The following LRP1B variants were observed in gnomAD, a reference collection of about 807,000 sequenced individuals.
LRP1B encodes low-density lipoprotein receptor-related protein 1B.
A neutral mutation model predicts 556.6 loss-of-function variants in LRP1B; 217 were observed. The ratio of observed to expected loss-of-function variants is 0.39; its 90% CI spans 0.35 to 0.44. The LOEUF is 0.44. Among genes scored for constraint, LRP1B ranks in the 20% least tolerant of loss-of-function variants. LRP1B has a pLI of 1.00. For missense variants in LRP1B, 5,053 were observed against 5,620.8 expected, an observed-to-expected ratio of 0.90 and a Z score of 3.23; for synonymous variants, 2,047 against 1,865.8, an observed-to-expected ratio of 1.10 and a Z score of -2.50.
At chr2:141,672,472 G>A (rs936109026) in intron 2 of LRP1B, among the ~76,000 whole-genome samples, 3 of 152,118 alleles carry the variant, frequency 2.0e-5, no homozygotes, top group African/African-American at 7.2e-5. Context: ...TTCCTGAAAC[G>A]GAGGTTACAA....
chr2:142,009,294 C>CTAGA (rs1702884510), intron 1 of LRP1B, among the ~76,000 whole-genome samples: 2 of 152,032 alleles, frequency 1.3e-5, no homozygotes, highest in South Asian at 2.1e-4. Context: ...AGAGTTTGAG[C>CTAGA]CAGACATTAA....
chr2:141,844,754 G>GGTACCAAAAGGAAA (rs1697587446), intron 1 of LRP1B, among the ~76,000 whole-genome samples: 1 of 151,668 alleles, frequency 6.6e-6, no homozygotes, highest in African/African-American at 2.4e-5. Flanking sequence ...CTACTATAAA[G>GGTACCAAAAGGAAA]TTATATAGTT....
intron 3 of LRP1B, among the ~76,000 whole-genome samples, chr2:141,472,828 T>G (rs1682529646): frequency 6.6e-6 from 1 of 152,232 alleles, no homozygotes; most frequent in Non-Finnish European, 1.5e-5. Context: ...ATTTACAATT[T>G]TTTTTTGTTT....
chr2:140,463,913 T>C (rs1375351701), intron 60 of LRP1B, among the ~76,000 whole-genome samples: 3 of 152,128 alleles, frequency 2.0e-5, no homozygotes, highest in African/African-American at 7.2e-5. Context: ...ATTAATACTG[T>C]GGCCAGGAGT....
chr2:141,976,018 G>T (rs1313793080), intron 1 of LRP1B, among the ~76,000 whole-genome samples: 2 of 149,832 alleles, frequency 1.3e-5, no homozygotes, highest in Non-Finnish European at 2.9e-5. Context: ...TAATATAATG[G>T]ACTATAAAAG....
rs56131845 is a variant in LRP1B at position 141,127,258 on chromosome 2, T to C, written c.1013+61163A>G. Among the ~76,000 whole-genome samples, 307 of 152,284 alleles carry C rather than the reference T, an allele frequency of 2.0e-3. 1 individual carries two copies. Among genetic ancestry groups the C allele is most frequent in the African/African-American group, 6.9e-3 (287 of 41,578 alleles). On this transcript the variant is annotated intron_variant, in intron 7 of 90. Coordinates refer to ENST00000389484, the MANE Select transcript of LRP1B (RefSeq NM_018557.3). Reference sequence around the variant, plus strand: ...GAAACAATAGATGCTGGAGAGGATGTGGACAGATAGGAACGCTTTTACATT... The same window carrying C: ...GAAACAATAGATGCTGGAGAGGATGCGGACAGATAGGAACGCTTTTACATT...
intron 3 of LRP1B, among the ~76,000 whole-genome samples, chr2:141,390,308 T>A (rs775530068): frequency 3.3e-5 from 5 of 152,022 alleles, no homozygotes; most frequent in Non-Finnish European, 7.4e-5. Context: ...AAAGCGTTGA[T>A]GAGAATGTAG....
intron 1 of LRP1B, among the ~76,000 whole-genome samples, chr2:141,961,543 C>T (rs80141118): frequency 0.035 from 5,324 of 151,708 alleles, 301 homozygotes; most frequent in African/African-American, 0.12. Context: ...GAGTGTATTT[C>T]AAATTAAAAC....
At position 141,227,640 on chromosome 2, in the gene LRP1B, A is replaced by G. The variant is rs1405843260; in HGVS notation, c.850+1543T>C. ...CTTTATCAATTGTTTCATTAAGAGGATCTTCAAAATGTTCGACAATATTTG... is the reference window on the plus strand; with the variant it reads ...CTTTATCAATTGTTTCATTAAGAGGGTCTTCAAAATGTTCGACAATATTTG... On this transcript the variant is annotated intron_variant, in intron 6 of 90. Coordinates refer to ENST00000389484, the MANE Select transcript of LRP1B (RefSeq NM_018557.3). Among the ~76,000 whole-genome samples the G allele has an allele frequency of 2.0e-5, 3 of 152,094 alleles. No homozygotes were observed. The East Asian group carries it at 5.8e-4, about 29-fold the overall frequency.
intron 2 of LRP1B, among the ~76,000 whole-genome samples, chr2:141,756,544 TACACAC>T (rs35271250): frequency 0.036 from 5,122 of 143,264 alleles, 164 homozygotes; most frequent in African/African-American, 0.1. Flanking sequence ...TCTCTCAAAT[TACACAC>T]ACACACACAC....
intron 3 of LRP1B, among the ~76,000 whole-genome samples, chr2:141,455,063 TA>T (rs1377283732): frequency 2.6e-5 from 4 of 152,170 alleles, no homozygotes; most frequent in African/African-American, 9.7e-5. Flanking sequence ...AATCTGATAT[TA>T]TGGTATTGTA....
At chr2:141,903,868 T>C (rs966388293) in intron 1 of LRP1B, among the ~76,000 whole-genome samples, 2 of 151,946 alleles carry the variant, frequency 1.3e-5, no homozygotes, top group Non-Finnish European at 2.9e-5. Context: ...GACCAGTTAC[T>C]TGTTTAGGGT....
chr2:140,715,255 TA>T (rs572316841), intron 37 of LRP1B, among the ~76,000 whole-genome samples: 17 of 151,244 alleles, frequency 1.1e-4, no homozygotes, highest in South Asian at 2.1e-4. Flanking sequence ...AGATGTATAT[TA>T]AAAAAAAATC....
At chr2:140,668,789 A>T (rs371738127) in intron 41 of LRP1B, among the ~76,000 whole-genome samples, 1 of 152,006 alleles carries the variant, frequency 6.6e-6, no homozygotes, top group East Asian at 2.0e-4. Flanking sequence ...CAAATGGTGA[A>T]TGCCACAAAG....
intron 3 of LRP1B, among the ~76,000 whole-genome samples, chr2:141,426,262 T>G (rs1232813517): frequency 6.6e-6 from 1 of 151,974 alleles, no homozygotes; most frequent in Non-Finnish European, 1.5e-5. Context: ...AGGGCTCTGT[T>G]CTGTTCCATT....
chr2:140,350,831 C>T lies in LRP1B; in HGVS notation c.11858G>A (p.Gly3953Asp), dbSNP rs1230779502. Residue 3953 changes from glycine to aspartate, a missense_variant, in exon 77 of 91, where the codon GGC becomes GAC. This residue lies in a region of LRP1B where 599 missense variants were observed against 648.4 expected (regional missense o/e 0.92). Coordinates refer to ENST00000389484, the MANE Select transcript of LRP1B (RefSeq NM_018557.3). ...ACTGTTTGCTTGCCTTTTTTCTCTG[C>T]CATGGATCCTTTTGTAGAAAATTCC... ...PGGIFYKRIHGREKRQANSGL... is the reference protein window; with the variant it reads ...PGGIFYKRIHDREKRQANSGL... 2 of 1,610,746 alleles carry T rather than the reference C, an allele frequency of 1.2e-6. No homozygotes were observed.
intron 2 of LRP1B, among the ~76,000 whole-genome samples, chr2:141,572,081 C>T (rs1170967132): frequency 6.6e-6 from 1 of 152,040 alleles, no homozygotes; most frequent in Admixed American, 6.6e-5. Flanking sequence ...ATGCAGAGAA[C>T]ACCATTAAGA....
At chr2:140,884,135 C>T (rs1693561267) in intron 24 of LRP1B, 114 bp from the exon 25 acceptor site, 11 of 978,952 alleles carry the variant, frequency 1.1e-5, no homozygotes, top group Non-Finnish European at 1.7e-5. Flanking sequence ...GTGATTTCAA[C>T]TTTGAGAGAT....
intron 1 of LRP1B, among the ~76,000 whole-genome samples, chr2:142,026,539 G>C (rs1703512077): frequency 6.6e-6 from 1 of 152,030 alleles, no homozygotes; most frequent in Admixed American, 6.6e-5. Flanking sequence ...AACCTCTAGT[G>C]ACTAAATTTA....
Sources: allele counts gnomAD v4.1 joint callset (sites outside exome capture counted in the v4.1 genomes callset), GRCh38; gene constraint gnomAD v4.1.1; regional missense constraint gnomAD v4.1.1; transcripts MANE v1.5; gene names NCBI Gene and HGNC (gene_info 2026-07-23, HGNC 2026-07-21).